The following DOCK1 variants were observed in gnomAD, a reference collection of about 807,000 sequenced individuals.
The protein encoded by DOCK1 is dedicator of cytokinesis 1.
DOCK1 carries 138 observed loss-of-function variants against 262.7 expected under a neutral mutation model. That is an observed-to-expected ratio of 0.53 (90% CI 0.46 to 0.61). The LOEUF is 0.61. Ranked by LOEUF, DOCK1 falls within the 20% of genes least tolerant of loss-of-function variation. The pLI is 0.00. For synonymous variants in DOCK1, 866 were observed against 867.4 expected (o/e 1.00, Z 0.03); for missense variants, 1,908 against 2,370.7 (o/e 0.80, Z 4.05).
chr10:127,443,627 G>A (rs2070336351), intron 49 of DOCK1, among the ~76,000 whole-genome samples: 1 of 152,070 alleles, frequency 6.6e-6, no homozygotes, highest in Non-Finnish European at 1.5e-5. Flanking sequence ...TGGCGGCATT[G>A]CTCATTACCG....
Position 126,996,891 on chromosome 10 carries a change from T to G in DOCK1, c.609+8T>G, listed in dbSNP as rs577298251. The G allele has an allele frequency of 6.3e-7, 1 of 1,593,726 alleles. No individual in the cohort carries two copies. Among genetic ancestry groups the G allele is most frequent in the East Asian group, 2.3e-5 (1 of 43,706 alleles). ...AGGTTACAAGAGGAAAAAGTAAGTTTGACTCTGTCATATGCCATTCACGTT... is the reference window on the plus strand; with the variant it reads ...AGGTTACAAGAGGAAAAAGTAAGTTGGACTCTGTCATATGCCATTCACGTT... On this transcript the variant is annotated splice_region_variant and intron_variant, in intron 7 of 51. Transcript: ENST00000623213.
intron 22 of DOCK1, among the ~76,000 whole-genome samples, chr10:127,060,097 C>T (rs961104930): frequency 6.9e-6 from 1 of 145,488 alleles, no homozygotes; most frequent in Middle Eastern, 3.4e-3. Flanking sequence ...TGGGGACTCT[C>T]TCCCTGGCGT....
At chr10:127,387,052 G>A (rs1056274439) in intron 38 of DOCK1, among the ~76,000 whole-genome samples, 1 of 150,258 alleles carries the variant, frequency 6.7e-6, no homozygotes, top group Non-Finnish European at 1.5e-5. Context: ...GGGCAGGGCA[G>A]GAGGCAGGGA....
At chr10:126,928,980 TC>T (rs1413707241) in intron 1 of DOCK1, among the ~76,000 whole-genome samples, 2 of 152,192 alleles carry the variant, frequency 1.3e-5, no homozygotes, top group Non-Finnish European at 2.9e-5. Flanking sequence ...GCCTTTAATC[TC>T]TTGGGCATTT....
chr10:127,026,510 A>G, intron 16 of DOCK1, 86 bp downstream of exon 16: 2 of 1,237,780 alleles, frequency 1.6e-6, no homozygotes, highest in East Asian at 2.5e-5. Flanking sequence ...GTTGTTCTGG[A>G]ACTCGCTATC....
intron 25 of DOCK1, among the ~76,000 whole-genome samples, chr10:127,114,048 C>T (rs900442318): frequency 2.6e-5 from 4 of 152,182 alleles, no homozygotes; most frequent in Non-Finnish European, 5.9e-5. Context: ...CTGTGATTGC[C>T]CTGCTTAAAA....
At chr10:127,036,043 T>TTAA (rs1554870787) in intron 18 of DOCK1, among the ~76,000 whole-genome samples, 4 of 147,562 alleles carry the variant, frequency 2.7e-5, no homozygotes, top group Non-Finnish European at 4.5e-5. Context: ...AATAAATAAA[T>TTAA]AAAAAAGAGT....
chr10:127,402,841 C>T, intron 38 of DOCK1: 2 of 659,804 alleles, frequency 3.0e-6, no homozygotes, highest in Admixed American at 1.8e-5. Flanking sequence ...ATTGACATGC[C>T]AGTGATTGAC....
At chr10:127,383,865 C>T (rs1436260272) in intron 37 of DOCK1, among the ~76,000 whole-genome samples, 7 of 152,198 alleles carry the variant, frequency 4.6e-5, no homozygotes, top group African/African-American at 1.2e-4. Context: ...GCCTCCTGCC[C>T]GTAGGTGCCC....
intron 1 of DOCK1, among the ~76,000 whole-genome samples, chr10:126,920,527 G>A (rs1162299745): frequency 6.6e-6 from 1 of 152,190 alleles, no homozygotes; most frequent in South Asian, 2.1e-4. Flanking sequence ...GCTCCCAAAT[G>A]CAGTAATGAA....
intron 49 of DOCK1, among the ~76,000 whole-genome samples, chr10:127,440,319 AC>A (rs1250503571): frequency 1.3e-5 from 2 of 151,888 alleles, no homozygotes; most frequent in Non-Finnish European, 2.9e-5. Context: ...CACTGGCCGC[AC>A]CCCCAACATT....
intron 23 of DOCK1, among the ~76,000 whole-genome samples, chr10:127,104,211 C>A (rs1213178161): frequency 6.6e-6 from 1 of 152,168 alleles, no homozygotes; most frequent in African/African-American, 2.4e-5. Context: ...CATTTTCTCC[C>A]TGTGTAGTTC....
At chr10:127,137,721 T>C (rs1005586108) in intron 27 of DOCK1, 1 of 926,466 alleles carries the variant, frequency 1.1e-6, no homozygotes, top group Admixed American at 2.6e-5. Flanking sequence ...GGGCGAGAAG[T>C]GGGAGGTGCC....
rs548458398 is a variant in DOCK1, at chr10:127,393,850, C to T, written c.3927+8941C>T. Among the ~76,000 whole-genome samples, 168 of 152,202 alleles carry T rather than the reference C, an allele frequency of 1.1e-3. 1 individual carries two copies. The highest frequency in any genetic ancestry group is 3.9e-3 in the African/African-American group (163 of 41,526). On this transcript the variant is annotated intron_variant, in intron 38 of 51. Transcript: ENST00000623213. ...TCTCTCTGCAAAATGTCATTTCCAT[C>T]TGTTTCCATTTTCATTCTTTTACGT... is the stretch of plus-strand genomic sequence containing the variant.
chr10:126,954,261 A>C (rs1342018105), intron 1 of DOCK1, among the ~76,000 whole-genome samples: 1 of 152,278 alleles, frequency 6.6e-6, no homozygotes, highest in Non-Finnish European at 1.5e-5. Flanking sequence ...CTGCCCTTGC[A>C]GATGAGGCAG....
chr10:126,979,516 C>A (rs1365629614), intron 3 of DOCK1, among the ~76,000 whole-genome samples: 2 of 152,114 alleles, frequency 1.3e-5, no homozygotes, highest in African/African-American at 4.8e-5. Flanking sequence ...CTGGATGTGC[C>A]CCAGGCAAGC....
chr10:126,963,673 C>CCTTCCTTCCTTCCCTCCTT (rs2037453675), intron 1 of DOCK1, among the ~76,000 whole-genome samples: 2 of 82,376 alleles, frequency 2.4e-5, no homozygotes, highest in African/African-American at 9.9e-5. Context: ...CTTCCTTCCT[C>CCTTCCTTCCTTCCCTCCTT]CCTCCCTTCC....
intron 29 of DOCK1, among the ~76,000 whole-genome samples, chr10:127,294,069 C>T (rs1184149903): frequency 6.6e-6 from 1 of 152,174 alleles, no homozygotes; most frequent in African/African-American, 2.4e-5. Flanking sequence ...ACGTTACCCT[C>T]CAGGGCAGGT....
rs1236890691 is a variant in DOCK1 at position 127,425,913 on chromosome 10, A to G, written c.4816A>G (p.Lys1606Glu). Residue 1606 changes from lysine to glutamate, a missense_variant, in exon 47 of 52, where the codon AAA becomes GAA. Lys to Glu is a moderately conservative substitution (Grantham distance 56, BLOSUM62 1). Around this residue, in one of 9 missense-constraint regions of DOCK1, gnomAD observed 383 missense variants for 420.1 expected, o/e 0.91. Coordinates refer to ENST00000623213, the MANE Select transcript of DOCK1 (RefSeq NM_001290223.2). ...LAEGIRIHGD[K>E]VTEALRPFHE... ...CGAAGGGATCAGAATCCATGGAGAC[A>G]AAGTCACGGAGGCACTGAGGCCGTT... The G allele has an allele frequency of 1.2e-5, 20 of 1,614,060 alleles. No homozygotes were observed. The highest frequency in any genetic ancestry group is 1.7e-5 in the Non-Finnish European group (20 of 1,179,896).
Sources: gnomAD v4.1 joint callset for allele counts (sites outside exome capture counted in the v4.1 genomes callset) on GRCh38, gnomAD v4.1.1 for gene constraint, gnomAD v4.1.1 regional missense constraint, MANE v1.5 for transcripts, NCBI Gene and HGNC (gene_info 2026-07-23, HGNC 2026-07-21) for gene names.